KIF5B: variants seen among roughly 807,000 people sequenced by gnomAD.
KIF5B encodes the protein kinesin-1 heavy chain.
In KIF5B, 49 loss-of-function variants were observed where a neutral mutation model predicts 132.8. The observed-to-expected ratio is 0.37, with a 90% CI of 0.29 to 0.47. The LOEUF is 0.47. Among genes scored for constraint, KIF5B ranks in the 20% least tolerant of loss-of-function variants. The probability of loss-of-function intolerance (pLI) is 1.00; values close to 1 mark genes in which losing one functional copy is unlikely to be tolerated. For synonymous variants in KIF5B, 355 were observed against 369.4 expected (o/e 0.96, Z 0.45); for missense variants, 780 against 1,144.0 (o/e 0.68, Z 4.59).
intron 2 of KIF5B, among the ~76,000 whole-genome samples, chr10:32,047,049 A>G (rs1169719341): frequency 6.6e-6 from 1 of 152,246 alleles, no homozygotes; most frequent in Non-Finnish European, 1.5e-5. Flanking sequence ...ATTGAATACT[A>G]TACTGAAAGT....
chr10:32,015,758 G>A, intron 24 of KIF5B, 99 bp from the exon 25 acceptor site: 1 of 1,031,806 alleles, frequency 9.7e-7, no homozygotes, highest in Non-Finnish European at 1.4e-6. Flanking sequence ...ATTCCCAAAT[G>A]TTTTGTTTTT....
At chr10:32,012,602 A>AT (rs1841099145) in intron 25 of KIF5B, among the ~76,000 whole-genome samples, 2 of 152,200 alleles carry the variant, frequency 1.3e-5, no homozygotes, top group African/African-American at 4.8e-5. Context: ...TTTTTACATC[A>AT]TAACTTTCAA....
chr10:32,009,380 T>A lies in KIF5B; in HGVS notation c.*2157A>T, dbSNP rs1188430910. On this transcript the variant is annotated 3_prime_UTR_variant, in exon 26 of 26. Transcript: ENST00000302418. Reference sequence around the variant, plus strand: ...GACACTGCAAATTGAAATGTGTCAATATCCTAGATGATCAGAAATTTTCAT... The same window carrying A: ...GACACTGCAAATTGAAATGTGTCAAAATCCTAGATGATCAGAAATTTTCAT... The A allele has an allele frequency of 6.6e-6, 1 of 152,206 alleles. No homozygotes were observed. Among genetic ancestry groups the A allele is most frequent in the African/African-American group, 2.4e-5 (1 of 41,442 alleles). The allele number at this position is 152,206 out of a possible 1,614,324, so 9.4% of individuals were successfully genotyped here. A position where few individuals can be genotyped will look rare whatever the true frequency, so the allele number is the denominator to read the frequency against.
At chr10:32,028,677 G>T in intron 14 of KIF5B, 106 bp from the exon 15 acceptor site, 1 of 911,960 alleles carries the variant, frequency 1.1e-6, no homozygotes, top group Non-Finnish European at 1.6e-6. Context: ...ACGAAACCAT[G>T]TCTTTTCTGC....
In KIF5B at chr10:32,018,152, G is replaced by A. The variant is rs867358456; in HGVS notation, c.2444C>T (p.Ala815Val). Residue 815 changes from alanine (A) to valine (V), a missense_variant, in exon 23 of 26, where the codon GCT (alanine) becomes GTT (valine). Coordinates refer to ENST00000302418, the MANE Select transcript of KIF5B (RefSeq NM_004521.3). ...QDLATRVKKS[A>V]EIDSDDTGGS... The stretch of plus-strand genomic sequence containing the variant: ...TCCGGTGTCATCAGAATCAATCTCA[G>A]CACTCTGAGAAAAGAAGGTAAGTAT... 9.4e-6 allele frequency: 15 copies of A among 1,589,892 alleles called. No homozygotes were observed. Among genetic ancestry groups the A allele is most frequent in the Middle Eastern group, 1.7e-4 (1 of 5,950 alleles).
At chr10:32,054,110 A>T (rs1051061404) in intron 1 of KIF5B, among the ~76,000 whole-genome samples, 18 of 152,288 alleles carry the variant, frequency 1.2e-4, no homozygotes, top group African/African-American at 4.3e-4. Flanking sequence ...CAAAATCTGA[A>T]GAAATAAGAC....
intron 25 of KIF5B, among the ~76,000 whole-genome samples, chr10:32,013,067 G>A (rs211394): frequency 0.21 from 32,244 of 151,716 alleles, 3,608 homozygotes; most frequent in Non-Finnish European, 0.25. Context: ...ACGCCCTGCT[G>A]ATTTTGTATT....
rs1841442880 is a variant in KIF5B, at chr10:32,034,724, C to A, written c.1077G>T (p.Gln359His). The change falls in exon 11 of 26, where the codon CAG becomes CAT. Residue 359 changes from glutamine (Q) to histidine (H), a missense_variant. Transcript: ENST00000302418. ...EKNKILRNTI[Q>H]WLENELNRWR... ...ATCTGTTGAGCTCATTTTCAAGCCACTGAATAGTGTTCCGCAGGATCTTAT... is the reference window on the plus strand; with the variant it reads ...ATCTGTTGAGCTCATTTTCAAGCCAATGAATAGTGTTCCGCAGGATCTTAT... The A allele has an allele frequency of 6.2e-7, 1 of 1,604,694 alleles. No individual in the cohort carries two copies. The highest frequency in any genetic ancestry group is 8.5e-7 in the Non-Finnish European group (1 of 1,176,496).
chr10:32,029,178 C>T (rs562262060), intron 14 of KIF5B, among the ~76,000 whole-genome samples: 161 of 152,166 alleles, frequency 1.1e-3, no homozygotes, highest in African/African-American at 3.8e-3. Context: ...AGTTTGGTGC[C>T]CACTTTAAAA....
intron 1 of KIF5B, among the ~76,000 whole-genome samples, chr10:32,053,820 C>T (rs1592457187): frequency 6.6e-6 from 1 of 151,922 alleles, no homozygotes; most frequent in South Asian, 2.1e-4. Context: ...CTGTTCATTA[C>T]GGATTCACAA....
At chr10:32,024,064 CAAA>C (rs371018606) in intron 15 of KIF5B, among the ~76,000 whole-genome samples, 5 of 100,082 alleles carry the variant, frequency 5.0e-5, no homozygotes, top group Non-Finnish European at 5.5e-5. Flanking sequence ...AAAAAAAAAA[CAAA>C]AAAAAAAAAA....
chr10:32,045,572 T>C (rs189737792), intron 2 of KIF5B, among the ~76,000 whole-genome samples: 8 of 152,324 alleles, frequency 5.3e-5, no homozygotes, highest in Admixed American at 3.9e-4. Flanking sequence ...ACAGCTACTG[T>C]AGGTTACTTT....
rs778439657 is a variant in KIF5B at position 32,034,677 on chromosome 10, C to G, written c.1111+13G>C. 5 of 1,539,198 alleles carry G rather than the reference C, an allele frequency of 3.2e-6. No homozygotes were observed. In the South Asian group the frequency reaches 6.4e-5, roughly 20 times the overall value. Reference sequence around the variant, plus strand: ...TTTAACAAACTGAAGATGACAAATTCTTAAGTTATTACCATTACGCCATCT... The same window carrying G: ...TTTAACAAACTGAAGATGACAAATTGTTAAGTTATTACCATTACGCCATCT... On this transcript the variant is annotated intron_variant, in intron 11 of 25. Coordinates refer to ENST00000302418, the MANE Select transcript of KIF5B (RefSeq NM_004521.3).
intron 23 of KIF5B, among the ~76,000 whole-genome samples, chr10:32,017,807 GCA>G (rs533798864): frequency 9.9e-5 from 15 of 152,252 alleles, no homozygotes; most frequent in East Asian, 9.6e-4. Flanking sequence ...TTATGAAAAT[GCA>G]CAGTCTTAAA....
intron 1 of KIF5B, among the ~76,000 whole-genome samples, chr10:32,053,759 C>T (rs1841721698): frequency 6.6e-6 from 1 of 151,176 alleles, no homozygotes; most frequent in Non-Finnish European, 1.5e-5. Flanking sequence ...AAAAAAACAA[C>T]CAACCAACCA....
intron 8 of KIF5B, 130 bp from the exon 9 acceptor site, chr10:32,036,124 T>A: frequency 1.8e-6 from 1 of 543,174 alleles, no homozygotes; most frequent in South Asian, 3.5e-5. Context: ...TTCATGATCT[T>A]ATTTGCCAAG....
At chr10:32,038,509 A>G (rs1841490451) in intron 5 of KIF5B, among the ~76,000 whole-genome samples, 1 of 152,204 alleles carries the variant, frequency 6.6e-6, no homozygotes, top group East Asian at 1.9e-4. Context: ...TCTAATTGAC[A>G]GTTGACAGAA....
intron 17 of KIF5B, 28 bp from the exon 18 acceptor site, chr10:32,021,315 G>C: frequency 3.9e-6 from 6 of 1,522,704 alleles, no homozygotes; most frequent in Non-Finnish European, 5.5e-6. Context: ...AAATAGAAGA[G>C]TGAAATAAGC....
rs1241965396 is a variant in KIF5B, at chr10:32,031,117, T to C, written c.1537A>G (p.Thr513Ala). Residue 513 changes from threonine (T) to alanine (A), a missense_variant, in exon 14 of 26, where the codon ACT (threonine) becomes GCT (alanine). Thr to Ala is a moderately conservative substitution (Grantham distance 58, BLOSUM62 0). Transcript: ENST00000302418. ...DQKSQEVEDK[T>A]KEYELLSDEL... ...TCACTAAGCAATTCATATTCCTTAG[T>C]TTTGTCTTCAACTTCCTGAGACTTC... 6.2e-7 allele frequency: 1 copy of C among 1,613,908 alleles called. No homozygotes were observed. Among genetic ancestry groups the C allele is most frequent in the Admixed American group, 1.7e-5 (1 of 60,024 alleles).
Sources: allele counts gnomAD v4.1 joint callset (sites outside exome capture counted in the v4.1 genomes callset), GRCh38; gene constraint gnomAD v4.1.1; transcripts MANE v1.5; gene names NCBI Gene and HGNC (gene_info 2026-07-23, HGNC 2026-07-21).